Variants in NOL4 observed in about 807,000 individuals in gnomAD.
NOL4 encodes cancer/testis antigen 125.
Under a neutral mutation model 75.9 loss-of-function variants are expected in NOL4, and 17 were observed. The ratio of observed to expected loss-of-function variants is 0.22; its 90% CI spans 0.15 to 0.34. The LOEUF is 0.34. Among genes scored for constraint, NOL4 ranks in the 10% least tolerant of loss-of-function variants. The pLI is 1.00. For synonymous variants in NOL4, 292 were observed against 289.9 expected (o/e 1.01, Z -0.07); for missense variants, 614 against 793.5 (o/e 0.77, Z 2.72).
At chr18:34,013,164 T>C (rs973987428) in intron 6 of NOL4, among the ~76,000 whole-genome samples, 3 of 152,014 alleles carry the variant, frequency 2.0e-5, no homozygotes, top group Admixed American at 1.3e-4. Context: ...ACAGTTGATA[T>C]AGTATCCCAA....
chr18:34,053,475 TA>T (rs1455868869), intron 5 of NOL4, among the ~76,000 whole-genome samples: 2 of 151,918 alleles, frequency 1.3e-5, no homozygotes, highest in African/African-American at 2.4e-5. Context: ...AAGCTTATTA[TA>T]AGAACTAAAA....
intron 1 of NOL4, chr18:34,221,429 T>G (rs1230722107): frequency 6.6e-6 from 1 of 152,192 alleles, no homozygotes; most frequent in Non-Finnish European, 1.5e-5. Context: ...TATATCAGAT[T>G]TCTGGCTCAT....
At chr18:33,864,161 G>A (rs1187765919) in intron 10 of NOL4, among the ~76,000 whole-genome samples, 2 of 152,108 alleles carry the variant, frequency 1.3e-5, no homozygotes, top group Admixed American at 6.5e-5. Context: ...GCCTATGATG[G>A]GAGTTACTGC....
Position 34,162,902 on chromosome 18 carries a change from G to C in NOL4, c.265-32882C>G, listed in dbSNP as rs534523492. Among the ~76,000 whole-genome samples, 13 of 152,212 alleles carry C rather than the reference G, an allele frequency of 8.5e-5. 1 individual carries two copies. In the South Asian group the frequency reaches 2.7e-3, roughly 32 times the overall value. ...AAAAGCTTATCCACCATGATCAAGT[G>C]GGCTTCATCCCTGGGATGCAAGGCT... On this transcript the variant is annotated intron_variant, in intron 1 of 10. Transcript: ENST00000261592.
At chr18:33,972,199 A>G (rs2071121726) in intron 6 of NOL4, among the ~76,000 whole-genome samples, 1 of 152,030 alleles carries the variant, frequency 6.6e-6, no homozygotes, top group Non-Finnish European at 1.5e-5. Context: ...AATTTAGTCC[A>G]AAGATTAAAT....
chr18:34,073,143 A>G (rs1327110169), intron 5 of NOL4, among the ~76,000 whole-genome samples: 1 of 152,088 alleles, frequency 6.6e-6, no homozygotes, highest in African/African-American at 2.4e-5. Context: ...CATTTGTGAT[A>G]ATATTAATAA....
intron 6 of NOL4, among the ~76,000 whole-genome samples, chr18:33,985,127 A>G (rs1472750810): frequency 6.6e-6 from 1 of 152,150 alleles, no homozygotes; most frequent in Non-Finnish European, 1.5e-5. Context: ...TTCCCAAAGA[A>G]AAAAGATGAT....
At chr18:34,012,341 C>T (rs990814008) in intron 6 of NOL4, among the ~76,000 whole-genome samples, 2 of 151,626 alleles carry the variant, frequency 1.3e-5, no homozygotes, top group Non-Finnish European at 2.9e-5. Context: ...ATTTAGATTG[C>T]AATATGACAT....
chr18:33,855,956 T>A (rs971563610), intron 10 of NOL4, among the ~76,000 whole-genome samples: 8 of 152,012 alleles, frequency 5.3e-5, no homozygotes, highest in Non-Finnish European at 1.2e-4. Context: ...CCTTAGGTAG[T>A]AGGGCCCCTT....
chr18:34,004,954 CT>C (rs1280741761), intron 6 of NOL4, among the ~76,000 whole-genome samples: 1 of 152,028 alleles, frequency 6.6e-6, no homozygotes, highest in Non-Finnish European at 1.5e-5. Context: ...CAAACCTATG[CT>C]TTTTCCATTT....
intron 5 of NOL4, among the ~76,000 whole-genome samples, chr18:34,021,125 C>G (rs1349353037): frequency 6.6e-6 from 1 of 152,082 alleles, no homozygotes; most frequent in African/African-American, 2.4e-5. Flanking sequence ...CTTACTCTGA[C>G]CAATATGGGG....
chr18:33,967,817 G>C (rs776152965), intron 6 of NOL4, among the ~76,000 whole-genome samples: 3 of 152,142 alleles, frequency 2.0e-5, no homozygotes, highest in Non-Finnish European at 2.9e-5. Context: ...ATCTGGGCAC[G>C]GTGGCTCATG....
intron 6 of NOL4, among the ~76,000 whole-genome samples, chr18:34,011,278 G>A (rs1305520199): frequency 6.6e-6 from 1 of 151,604 alleles, no homozygotes; most frequent in Non-Finnish European, 1.5e-5. Flanking sequence ...GTAATAAGAA[G>A]GCTACAGATA....
At chr18:34,119,755 A>G (rs751266375) in intron 2 of NOL4, among the ~76,000 whole-genome samples, 6 of 151,862 alleles carry the variant, frequency 4.0e-5, no homozygotes, top group South Asian at 4.2e-4. Flanking sequence ...CCCAGTAGCT[A>G]GGACTACAGG....
intron 9 of NOL4, among the ~76,000 whole-genome samples, chr18:33,918,473 A>C (rs2066856314): frequency 1.3e-5 from 2 of 149,230 alleles, no homozygotes; most frequent in African/African-American, 5.2e-5. Flanking sequence ...TCTCAAGGGC[A>C]AAACCACATC....
chr18:34,190,466 A>G (rs1016980098), intron 1 of NOL4, among the ~76,000 whole-genome samples: 3 of 152,010 alleles, frequency 2.0e-5, no homozygotes, highest in Non-Finnish European at 4.4e-5. Flanking sequence ...TTATGTTTAT[A>G]TATTCAAAAT....
intron 10 of NOL4, among the ~76,000 whole-genome samples, chr18:33,867,649 AACACACACAC>A (rs35491645): frequency 2.0e-5 from 3 of 148,676 alleles, no homozygotes; most frequent in African/African-American, 5.0e-5. Flanking sequence ...TGTGTATGTA[AACACACACAC>A]ACACACACAC....
At chr18:34,213,654 G>T (rs988348389) in intron 1 of NOL4, among the ~76,000 whole-genome samples, 16 of 152,080 alleles carry the variant, frequency 1.1e-4, no homozygotes, top group African/African-American at 3.9e-4. Flanking sequence ...AATGCGTTTA[G>T]ACCCCTTCCC....
intron 10 of NOL4, among the ~76,000 whole-genome samples, chr18:33,881,592 G>A (rs1322259656): frequency 6.6e-6 from 1 of 151,314 alleles, no homozygotes; most frequent in Non-Finnish European, 1.5e-5. Context: ...ATGCTCATGG[G>A]TAGGAAGAAT....
Sources: gnomAD v4.1 joint callset for allele counts (sites outside exome capture counted in the v4.1 genomes callset) on GRCh38, gnomAD v4.1.1 for gene constraint, MANE v1.5 for transcripts, NCBI Gene and HGNC (gene_info 2026-07-23, HGNC 2026-07-21) for gene names.